Variants in KRTAP10-3 observed in about 807,000 individuals in gnomAD.
KRTAP10-3 encodes keratin associated protein 10-3.
For synonymous variants in KRTAP10-3, 151 were observed against 126.2 expected, an observed-to-expected ratio of 1.20 and a Z score of -1.32; for missense variants, 341 against 293.4, an observed-to-expected ratio of 1.16 and a Z score of -1.19.
In KRTAP10-3 at chr21:44,558,133, C is replaced by G. The variant is rs587674426; in HGVS notation, c.583G>C (p.Val195Leu). The change falls in exon 1 of 1, where the codon GTG becomes CTG. Residue 195 changes from valine (V) to leucine (L), a missense_variant. Coordinates refer to ENST00000391620, the MANE Select transcript of KRTAP10-3 (RefSeq NM_198696.3). ...CACGTGGGGCGGCAGAGGAGGGACA[C>G]GCAGGAGGCCGGGCGGCAGCAGCTG... is the stretch of plus-strand genomic sequence containing the variant. Reference protein sequence around the residue: ...QPSCCRPASCVSLLCRPTCSR... With the variant: ...QPSCCRPASCLSLLCRPTCSR... The G allele has an allele frequency of 1.3e-4, 214 of 1,613,020 alleles. No individual in the cohort carries two copies. The South Asian group carries it at 1.9e-3, about 15-fold the overall frequency.
Position 44,558,100 on chromosome 21 carries a change from G to C in KRTAP10-3, c.616C>G (p.Leu206Val). ...SLLCRPTCSRLSSACCGLSSG... is the reference protein window; with the variant it reads ...SLLCRPTCSRVSSACCGLSSG... ...GAGAGGCCGCAGCACGCGGAAGAGAGGCGGGAGCACGTGGGGCGGCAGAGG... is the reference window on the plus strand; with the variant it reads ...GAGAGGCCGCAGCACGCGGAAGAGACGCGGGAGCACGTGGGGCGGCAGAGG... The change falls in exon 1 of 1, where the codon CTC becomes GTC. Residue 206 changes from leucine (L) to valine (V), a missense_variant. Physicochemically the swap from Leu to Val is conservative, Grantham distance 32. Transcript: ENST00000391620. The C allele has an allele frequency of 6.2e-7, 1 of 1,610,076 alleles. No individual in the cohort carries two copies. Among genetic ancestry groups the C allele is most frequent in the African/African-American group, 1.3e-5 (1 of 75,044 alleles).
Position 44,558,196 on chromosome 21 carries a change from T to TG in KRTAP10-3, c.519dup (p.Ile174HisfsTer82). ...GAGGCAGGGGCACAGCAGGAGGGGA[T>TG]GGGCACACAGCAGGTGGACCTGCAC... On this transcript the variant is annotated frameshift_variant, in exon 1 of 1. Transcript: ENST00000391620. LOFTEE classifies it low-confidence loss of function (END_TRUNC). The TG allele has an allele frequency of 6.5e-7, 1 of 1,548,702 alleles. No individual in the cohort carries two copies. The highest frequency in any genetic ancestry group is 2.4e-5 in the East Asian group (1 of 42,434).
In KRTAP10-3 at chr21:44,558,262, A is replaced by T; in HGVS notation, c.454T>A (p.Cys152Ser). The change falls in exon 1 of 1, where the codon TGC (cysteine) becomes AGC (serine). Residue 152 changes from cysteine to serine, a missense_variant. By Grantham distance (112) the Cys-to-Ser change is moderately radical. Transcript: ENST00000391620. ...AGGGACACGGAGGAGGAGGGTCTGC[A>T]GCAGGAGGTGGTGCAGCAAGCCGGC... The part of the protein sequence containing the change: ...RQPACCTTSC[C>S]RPSSSVSLLC... 6.2e-7 allele frequency: 1 copy of T among 1,614,036 alleles called. No homozygotes were observed. The highest frequency in any genetic ancestry group is 1.7e-4 in the Middle Eastern group (1 of 6,058).
At position 44,558,510 on chromosome 21, in the gene KRTAP10-3, G is replaced by A. The variant is rs1555920383; in HGVS notation, c.206C>T (p.Ser69Leu). ...QAACEPSPCQ[S>L]GCTSSCTPSC... ...GGGCGTGCAGGAGCTGGTGCAGCCT[G>A]ACTGGCAGGGGCTGGGCTCACAGGC... Residue 69 changes from serine (S) to leucine (L), a missense_variant, in exon 1 of 1, where the codon TCA (serine) becomes TTA (leucine). Physicochemically the swap from Ser to Leu is moderately radical, Grantham distance 145. Coordinates refer to ENST00000391620, the MANE Select transcript of KRTAP10-3 (RefSeq NM_198696.3). 1.9e-6 allele frequency: 3 copies of A among 1,613,888 alleles called. No homozygotes were observed. In the South Asian group the frequency reaches 3.3e-5, roughly 18 times the overall value.
chr21:44,558,013 G>A lies in KRTAP10-3; in HGVS notation c.*37C>T, dbSNP rs376245239. The A allele has an allele frequency of 6.4e-7, 1 of 1,571,970 alleles. No individual in the cohort carries two copies. The highest frequency in any genetic ancestry group is 8.6e-7 in the Non-Finnish European group (1 of 1,158,084). ...GCAAGGATTTTCGGAAGTCAGAGAT[G>A]GCCCTGGAACAACTCTGGAGAAACG... On this transcript the variant is annotated 3_prime_UTR_variant, in exon 1 of 1. Coordinates refer to ENST00000391620, the MANE Select transcript of KRTAP10-3 (RefSeq NM_198696.3).
rs199987981 is a variant in KRTAP10-3, at chr21:44,558,117, C to T, written c.599G>A (p.Arg200His). The T allele has an allele frequency of 1.6e-4, 252 of 1,611,242 alleles. No individual in the cohort carries two copies. The highest frequency in any genetic ancestry group is 1.9e-4 in the Non-Finnish European group (228 of 1,178,652). Residue 200 changes from arginine (R) to histidine (H), a missense_variant, in exon 1 of 1, where the codon CGC becomes CAC. Arg to His is a conservative substitution (Grantham distance 29, BLOSUM62 0). Transcript: ENST00000391620. The stretch of plus-strand genomic sequence containing the variant: ...GGAAGAGAGGCGGGAGCACGTGGGG[C>T]GGCAGAGGAGGGACACGCAGGAGGC... ...RPASCVSLLC[R>H]PTCSRLSSAC...
Position 44,558,599 on chromosome 21 carries a change from C to G in KRTAP10-3, c.117G>C (p.Pro39=), listed in dbSNP as rs371451976. ...TGCAGACCAGGGTCAGGCAGGGGGC[C>G]GGGGCGCAGCAGCTGGTGGCGCAGC... ...PPCCATSCCA[P]APCLTLVCTP... The change falls in exon 1 of 1, where the codon CCG becomes CCC. Residue 39 remains proline, a synonymous_variant. Coordinates refer to ENST00000391620, the MANE Select transcript of KRTAP10-3 (RefSeq NM_198696.3). The G allele has an allele frequency of 6.2e-7, 1 of 1,611,548 alleles. No individual in the cohort carries two copies. The highest frequency in any genetic ancestry group is 1.7e-5 in the Admixed American group (1 of 59,942).
chr21:44,558,019 G>A lies in KRTAP10-3; in HGVS notation c.*31C>T, dbSNP rs782811172. On this transcript the variant is annotated 3_prime_UTR_variant, in exon 1 of 1. Transcript: ENST00000391620. ...ATTTTCGGAAGTCAGAGATGGCCCT[G>A]GAACAACTCTGGAGAAACGGGACCT... 8 of 1,579,018 alleles carry A rather than the reference G, an allele frequency of 5.1e-6. No homozygotes were observed. The East Asian group carries it at 1.6e-4, about 31-fold the overall frequency.
rs2053566991 is a variant in KRTAP10-3 at position 44,558,136 on chromosome 21, A to G, written c.580T>C (p.Cys194Arg). ...GTGGGGCGGCAGAGGAGGGACACGC[A>G]GGAGGCCGGGCGGCAGCAGCTGGGC... ...CQPSCCRPAS[C>R]VSLLCRPTCS... is the part of the protein sequence containing the mutation. The change falls in exon 1 of 1, where the codon TGC becomes CGC. Residue 194 changes from cysteine (C) to arginine (R), a missense_variant. By Grantham distance (180) the Cys-to-Arg change is radical (BLOSUM62 -3). Transcript: ENST00000391620. The G allele has an allele frequency of 1.2e-6, 2 of 1,613,014 alleles. No individual in the cohort carries two copies. The highest frequency in any genetic ancestry group is 1.7e-5 in the Admixed American group (1 of 59,868).
Position 44,558,095 on chromosome 21 carries a change from A to G in KRTAP10-3, c.621T>C (p.Ser207=), listed in dbSNP as rs781815375. 1.2e-6 allele frequency: 2 copies of G among 1,610,928 alleles called. No individual in the cohort carries two copies. Among genetic ancestry groups the G allele is most frequent in the South Asian group, 1.1e-5 (1 of 90,920 alleles). The change falls in exon 1 of 1, where the codon TCT becomes TCC. Residue 207 remains serine (S), a synonymous_variant. Coordinates refer to ENST00000391620, the MANE Select transcript of KRTAP10-3 (RefSeq NM_198696.3). The part of the protein sequence containing the change: ...LLCRPTCSRL[S]SACCGLSSGQ... ...CTGAGGAGAGGCCGCAGCACGCGGA[A>G]GAGAGGCGGGAGCACGTGGGGCGGC...
rs150777153 is a variant in KRTAP10-3, at chr21:44,557,916, A to T, written c.*134T>A. The T allele has an allele frequency of 5.5e-6, 6 of 1,083,374 alleles. No homozygotes were observed. The Admixed American group carries it at 1.1e-4, about 20-fold the overall frequency. 67.1% of individuals were successfully genotyped at this position (1,083,374 alleles called of 1,614,324 possible). Reference sequence around the variant, plus strand: ...AGATGCATGCCTGGAGGGAATCGGCATGAAAGCTCAGCATTGCTGGCTGGA... The same window carrying T: ...AGATGCATGCCTGGAGGGAATCGGCTTGAAAGCTCAGCATTGCTGGCTGGA... On this transcript the variant is annotated 3_prime_UTR_variant, in exon 1 of 1. Transcript: ENST00000391620.
In KRTAP10-3 at chr21:44,558,657, T is replaced by G; in HGVS notation, c.59A>C (p.Asp20Ala). 3.7e-6 allele frequency: 6 copies of G among 1,613,132 alleles called. No homozygotes were observed. Among genetic ancestry groups the G allele is most frequent in the South Asian group, 2.2e-5 (2 of 91,016 alleles). ...SSAYSDSWQV[D>A]ACPESCCEPP... is the part of the protein sequence containing the mutation. ...CTCACAGCAGCTCTCTGGGCAGGCG[T>G]CCACCTGCCAGGAGTCAGAGTAAGC... The change falls in exon 1 of 1, where the codon GAC becomes GCC. Residue 20 changes from aspartate (D) to alanine (A), a missense_variant. Transcript: ENST00000391620.
rs79221051 is a variant in KRTAP10-3, at chr21:44,558,708, G to A, written c.8C>T (p.Thr3Met). The A allele has an allele frequency of 0.17, 272,228 of 1,599,552 alleles. 24,635 individuals are homozygous for A. The highest frequency in any genetic ancestry group is 0.19 in the Middle Eastern group (1,076 of 5,630). MA[T>M]STMSVCSSAY... is the part of the protein sequence containing the mutation. ...GCTGGAGCAGACGGACATGGTAGAC[G>A]TGGCCATGCTGGGGTGGGGAGGAGG... The change falls in exon 1 of 1, where the codon ACG becomes ATG. Residue 3 changes from threonine to methionine, a missense_variant. By Grantham distance (81) the Thr-to-Met change is moderately conservative (BLOSUM62 -1). Transcript: ENST00000391620.
Position 44,558,165 on chromosome 21 carries a change from C to A in KRTAP10-3, c.551G>T (p.Cys184Phe). ...IPSCCAPAST[C>F]QPSCCRPASC... ...GGCCGGGCGGCAGCAGCTGGGCTGG[C>A]AGGTGGAGGCAGGGGCACAGCAGGA... Residue 184 changes from cysteine (C) to phenylalanine (F), a missense_variant, in exon 1 of 1, where the codon TGC becomes TTC. Coordinates refer to ENST00000391620, the MANE Select transcript of KRTAP10-3 (RefSeq NM_198696.3). The A allele has an allele frequency of 3.1e-6, 5 of 1,611,290 alleles. No individual in the cohort carries two copies. Among genetic ancestry groups the A allele is most frequent in the Non-Finnish European group, 4.2e-6 (5 of 1,178,832 alleles).
At position 44,558,384 on chromosome 21, in the gene KRTAP10-3, A is replaced by C. The variant is rs1178566252; in HGVS notation, c.332T>G (p.Val111Gly). 6.2e-7 allele frequency: 1 copy of C among 1,612,682 alleles called. No homozygotes were observed. The highest frequency in any genetic ancestry group is 1.7e-5 in the Admixed American group (1 of 59,974). Residue 111 changes from valine (V) to glycine (G), a missense_variant, in exon 1 of 1, where the codon GTG becomes GGG. Transcript: ENST00000391620. ...GCAGACAGGCTTGCAGCAGACGGGC[A>C]CACAGCAGACTGGCTTGCAGCAGAC... is the stretch of plus-strand genomic sequence containing the variant. The part of the protein sequence containing the change: ...VPVCCKPVCC[V>G]PVCCKPVCCK...
chr21:44,558,386 A>ACAGCACACAGGCTTG lies in KRTAP10-3; in HGVS notation c.329_330insCAAGCCTGTGTGCTG (p.Lys106_Cys110dup), dbSNP rs1569185434. 6.2e-7 allele frequency: 1 copy of ACAGCACACAGGCTTG among 1,612,418 alleles called. No homozygotes were observed. The highest frequency in any genetic ancestry group is 8.5e-7 in the Non-Finnish European group (1 of 1,179,166). On this transcript the variant is annotated inframe_insertion, in exon 1 of 1. Transcript: ENST00000391620. ...AGACAGGCTTGCAGCAGACGGGCACACAGCAGACTGGCTTGCAGCAGACAG... is the reference window on the plus strand; with the variant it reads ...AGACAGGCTTGCAGCAGACGGGCACACAGCACACAGGCTTGCAGCAGACTGGCTTGCAGCAGACAG...
Position 44,558,377 on chromosome 21 carries a change from G to A in KRTAP10-3, c.339C>T (p.Val113=). 6.2e-7 allele frequency: 1 copy of A among 1,613,572 alleles called. No homozygotes were observed. The highest frequency in any genetic ancestry group is 8.5e-7 in the Non-Finnish European group (1 of 1,179,656). ...VCCKPVCCVP[V]CCKPVCCKPI... ...GCTTGCAGCAGACAGGCTTGCAGCA[G>A]ACGGGCACACAGCAGACTGGCTTGC... The change falls in exon 1 of 1, where the codon GTC becomes GTT. Residue 113 remains valine, a synonymous_variant. Coordinates refer to ENST00000391620, the MANE Select transcript of KRTAP10-3 (RefSeq NM_198696.3).
rs2053566732 is a variant in KRTAP10-3 at position 44,558,131 on chromosome 21, C to T, written c.585G>A (p.Val195=). 1.2e-6 allele frequency: 2 copies of T among 1,612,960 alleles called. No individual in the cohort carries two copies. The highest frequency in any genetic ancestry group is 1.7e-5 in the Admixed American group (1 of 59,896). The change falls in exon 1 of 1, where the codon GTG becomes GTA. Residue 195 remains valine (V), a synonymous_variant. Transcript: ENST00000391620. The stretch of plus-strand genomic sequence containing the variant: ...AGCACGTGGGGCGGCAGAGGAGGGA[C>T]ACGCAGGAGGCCGGGCGGCAGCAGC... ...QPSCCRPASC[V]SLLCRPTCSR...
rs376521134 is a variant in KRTAP10-3, at chr21:44,558,284, C to T, written c.432G>A (p.Pro144=). 9.0e-5 allele frequency: 145 copies of T among 1,614,024 alleles called. 1 individual carries two copies. The highest frequency in any genetic ancestry group is 2.5e-4 in the South Asian group (23 of 91,068). ...SSCCQQSSRQ[P]ACCTTSCCRP... is the part of the protein sequence containing the mutation. ...TGCAGCAGGAGGTGGTGCAGCAAGCCGGCTGGCGGCTAGACTGCTGGCAGC... is the reference window on the plus strand; with the variant it reads ...TGCAGCAGGAGGTGGTGCAGCAAGCTGGCTGGCGGCTAGACTGCTGGCAGC... The change falls in exon 1 of 1, where the codon CCG becomes CCA. Residue 144 remains proline (P), a synonymous_variant. Coordinates refer to ENST00000391620, the MANE Select transcript of KRTAP10-3 (RefSeq NM_198696.3).
Sources: allele counts gnomAD v4.1 joint callset, GRCh38; gene constraint gnomAD v4.1.1; transcripts MANE v1.5; gene names NCBI Gene and HGNC (gene_info 2026-07-23, HGNC 2026-07-21).